The following MS4A2 variants were observed in gnomAD, a reference collection of about 807,000 sequenced individuals.
MS4A2 encodes membrane spanning 4-domains A2, also known as high affinity immunoglobulin epsilon receptor subunit beta.
In MS4A2, 26 loss-of-function variants were observed where a neutral mutation model predicts 27.9. The ratio of observed to expected loss-of-function variants is 0.93; its 90% CI spans 0.68 to 1.29. The LOEUF (loss-of-function observed/expected upper bound fraction) is 1.29. Ranked by LOEUF, MS4A2 falls within the 50% of genes most tolerant of loss-of-function variation. The pLI is 0.00. For synonymous variants in MS4A2, 110 were observed against 98.8 expected (o/e 1.11, Z -0.67); for missense variants, 284 against 284.6 (o/e 1.00, Z 0.01).
chr11:60,092,976 AATCTATTTTGTGTCCTAAGGCTTT>A, intron 4 of MS4A2, 128 bp downstream of exon 4: 2 of 976,090 alleles, frequency 2.0e-6, no homozygotes, highest in South Asian at 2.9e-5. Context: ...ATTTTGTTTC[AATCTATTTTGTGTCCTAAGGCTTT>A]TTGCAACAGA....
At chr11:60,092,995 G>A (rs1855794254) in intron 4 of MS4A2, 147 bp downstream of exon 4, 2 of 812,782 alleles carry the variant, frequency 2.5e-6, no homozygotes, top group Non-Finnish European at 4.0e-6. Context: ...TGTGTCCTAA[G>A]GCTTTTTGCA....
intron 2 of MS4A2, among the ~76,000 whole-genome samples, chr11:60,090,047 A>T (rs1281216381): frequency 6.6e-6 from 1 of 152,222 alleles, no homozygotes; most frequent in Non-Finnish European, 1.5e-5. Context: ...GGAGTGAAGG[A>T]TTCATAATCT....
Position 60,096,004 on chromosome 11 carries a change from GATA to G in MS4A2, c.*352_*354del, listed in dbSNP as rs1855863137. 3.9e-6 allele frequency: 1 copy of G among 257,054 alleles called. No individual in the cohort carries two copies. The highest frequency in any genetic ancestry group is 4.7e-5 in the South Asian group (1 of 21,174). 15.9% of individuals were successfully genotyped at this position (257,054 alleles called of 1,614,324 possible). On this transcript the variant is annotated 3_prime_UTR_variant, in exon 7 of 7. Coordinates refer to ENST00000278888, the MANE Select transcript of MS4A2 (RefSeq NM_000139.5). ...AAGTTGAGTTAAACTTTGACAGTTT[GATA>G]ATATTTGGTTCTTAGGGTTTTTTTT...
rs1035491648 is a variant in MS4A2 at position 60,097,626 on chromosome 11, A to G, written c.*1970A>G. 6 of 152,240 alleles carry G rather than the reference A, an allele frequency of 3.9e-5. No individual in the cohort carries two copies. Among genetic ancestry groups the G allele is most frequent in the African/African-American group, 9.6e-5 (4 of 41,460 alleles). 9.4% of individuals were successfully genotyped at this position (152,240 alleles called of 1,614,324 possible). On this transcript the variant is annotated 3_prime_UTR_variant, in exon 7 of 7. Transcript: ENST00000278888. ...AGTTTATGTTTTTAGCCTAAGTATAAGAGTCCTACAGATGGACTGAAAAAA... is the reference window on the plus strand; with the variant it reads ...AGTTTATGTTTTTAGCCTAAGTATAGGAGTCCTACAGATGGACTGAAAAAA...
In MS4A2 at chr11:60,097,526, T is replaced by C. The variant is rs1284386603; in HGVS notation, c.*1870T>C. 1.3e-5 allele frequency: 2 copies of C among 152,126 alleles called. No individual in the cohort carries two copies. The highest frequency in any genetic ancestry group is 1.9e-4 in the East Asian group (1 of 5,202). 9.4% of individuals were successfully genotyped at this position (152,126 alleles called of 1,614,324 possible). A position where few individuals can be genotyped will look rare whatever the true frequency, so the allele number is the denominator to read the frequency against. ...ATGGGAGCATATGTGAGAAATAAGA[T>C]AGTTGATTATGAATAGAAGGTAGTG... On this transcript the variant is annotated 3_prime_UTR_variant, in exon 7 of 7. Coordinates refer to ENST00000278888, the MANE Select transcript of MS4A2 (RefSeq NM_000139.5).
Position 60,092,672 on chromosome 11 carries a change from C to T in MS4A2, c.322-120C>T, listed in dbSNP as rs1300869434. 20 of 809,064 alleles carry T rather than the reference C, an allele frequency of 2.5e-5. No individual in the cohort carries two copies. In the Middle Eastern group the frequency reaches 1.0e-3, roughly 41 times the overall value. 50.1% of individuals were successfully genotyped at this position (809,064 alleles called of 1,614,324 possible). A position where few individuals can be genotyped will look rare whatever the true frequency, so the allele number is the denominator to read the frequency against. Reference sequence around the variant, plus strand: ...AAGAAAATATTGGGCTCACAGGTGACATTAATAAGTAACTTTATCGAGTAC... The same window carrying T: ...AAGAAAATATTGGGCTCACAGGTGATATTAATAAGTAACTTTATCGAGTAC... On this transcript the variant is annotated intron_variant, in intron 3 of 6. Coordinates refer to ENST00000278888, the MANE Select transcript of MS4A2 (RefSeq NM_000139.5).
At chr11:60,088,504 A>C (rs558048837), upstream of MS4A2, 8 of 846,066 alleles carry the variant, frequency 9.5e-6, no homozygotes, top group African/African-American at 1.2e-4. Flanking sequence ...ATTATGCTCC[A>C]GGAGTCTCAA....
rs745519111 is a variant in MS4A2 at position 60,092,767 on chromosome 11, CT to C, written c.322-17del. Reference sequence around the variant, plus strand: ...ATTGAAAACAAGAAACTCATTGTGGCTTTTTTTTCCTCCTTTTTGAACAGTT... The same window carrying C: ...ATTGAAAACAAGAAACTCATTGTGGCTTTTTTTCCTCCTTTTTGAACAGTT... On this transcript the variant is annotated intron_variant, in intron 3 of 6. Coordinates refer to ENST00000278888, the MANE Select transcript of MS4A2 (RefSeq NM_000139.5). 68 of 1,605,670 alleles carry C rather than the reference CT, an allele frequency of 4.2e-5. No individual in the cohort carries two copies. The highest frequency in any genetic ancestry group is 1.2e-4 in the African/African-American group (9 of 74,768).
rs1565073902 is a variant in MS4A2, at chr11:60,090,022, C to T, written c.186+201C>T. Among the ~76,000 whole-genome samples the T allele has an allele frequency of 2.0e-5, 3 of 152,170 alleles. No homozygotes were observed. The South Asian group carries it at 6.2e-4, about 32-fold the overall frequency. Reference sequence around the variant, plus strand: ...TCATAAAGACTTTAAATTGCTAGGACGAGAATGGCCAACAGGAGTGAAGGA... The same window carrying T: ...TCATAAAGACTTTAAATTGCTAGGATGAGAATGGCCAACAGGAGTGAAGGA... On this transcript the variant is annotated intron_variant, in intron 2 of 6. Coordinates refer to ENST00000278888, the MANE Select transcript of MS4A2 (RefSeq NM_000139.5).
In MS4A2 at chr11:60,097,664, G is replaced by A. The variant is rs1855893540; in HGVS notation, c.*2008G>A. 6.6e-6 allele frequency: 1 copy of A among 152,158 alleles called. No individual in the cohort carries two copies. Among genetic ancestry groups the A allele is most frequent in the Admixed American group, 6.5e-5 (1 of 15,288 alleles). 9.4% of individuals were successfully genotyped at this position (152,158 alleles called of 1,614,324 possible). A position where few individuals can be genotyped will look rare whatever the true frequency, so the allele number is the denominator to read the frequency against. The stretch of plus-strand genomic sequence containing the variant: ...TGGACTGAAAAAAATCAGTCTGAGA[G>A]TATTAGTCACAATTAATGAAATAAT... On this transcript the variant is annotated 3_prime_UTR_variant, in exon 7 of 7. Coordinates refer to ENST00000278888, the MANE Select transcript of MS4A2 (RefSeq NM_000139.5).
Position 60,095,932 on chromosome 11 carries a change from T to G in MS4A2, c.*276T>G, listed in dbSNP as rs531177475. On this transcript the variant is annotated 3_prime_UTR_variant, in exon 7 of 7. Coordinates refer to ENST00000278888, the MANE Select transcript of MS4A2 (RefSeq NM_000139.5). The stretch of plus-strand genomic sequence containing the variant: ...CAACATGTAGTAAGCAAGATTTAAC[T>G]GTTTGATTATAACTGTGCAAATACA... The G allele has an allele frequency of 2.4e-4, 105 of 433,288 alleles. 4 individuals are homozygous for G. The highest frequency in any genetic ancestry group is 2.4e-3 in the South Asian group (102 of 42,176). The allele number at this position is 433,288 out of a possible 1,614,324, so 26.8% of individuals were successfully genotyped here.
At chr11:60,093,755 A>G (rs961319881) in intron 5 of MS4A2, 197 bp downstream of exon 5, 3 of 846,188 alleles carry the variant, frequency 3.5e-6, no homozygotes, top group African/African-American at 3.4e-5. Flanking sequence ...TCGGGGTTAA[A>G]GTTATCTACT....
Position 60,090,320 on chromosome 11 carries a change from A to C in MS4A2, c.187-16A>C, listed in dbSNP as rs1855734562. On this transcript the variant is annotated splice_polypyrimidine_tract_variant and intron_variant, in intron 2 of 6. Transcript: ENST00000278888. ...AATTTTTTTGATTTTCATGAAATTCATGTGTTTTTCTATAGGTAACACAAA... is the reference window on the plus strand; with the variant it reads ...AATTTTTTTGATTTTCATGAAATTCCTGTGTTTTTCTATAGGTAACACAAA... 1.2e-6 allele frequency: 2 copies of C among 1,611,304 alleles called. No individual in the cohort carries two copies. The highest frequency in any genetic ancestry group is 1.7e-6 in the Non-Finnish European group (2 of 1,179,568).
rs1855865559 is a variant in MS4A2, at chr11:60,096,119, T to TATTA, written c.*464_*467dup. 5.4e-6 allele frequency: 1 copy of TATTA among 184,836 alleles called. No individual in the cohort carries two copies. The allele number at this position is 184,836 out of a possible 1,614,324, so 11.4% of individuals were successfully genotyped here. ...ACAGTCACAGTCACACACACATATGTATTACTTACACTATATATAACTTCC... is the reference window on the plus strand; with the variant it reads ...ACAGTCACAGTCACACACACATATGTATTAATTACTTACACTATATATAACTTCC... On this transcript the variant is annotated 3_prime_UTR_variant, in exon 7 of 7. Coordinates refer to ENST00000278888, the MANE Select transcript of MS4A2 (RefSeq NM_000139.5).
chr11:60,093,953 C>T lies in MS4A2; in HGVS notation c.538-11C>T. 3.1e-6 allele frequency: 5 copies of T among 1,598,500 alleles called. No homozygotes were observed. In the South Asian group the frequency reaches 3.3e-5, roughly 11 times the overall value. On this transcript the variant is annotated splice_polypyrimidine_tract_variant and intron_variant, in intron 5 of 6. Coordinates refer to ENST00000278888, the MANE Select transcript of MS4A2 (RefSeq NM_000139.5). ...GACTCTTTTTGTTTGTCATTTGTTG[C>T]TGTTCAATAGGAAATTGTAGTGATG...
chr11:60,092,494 C>T (rs1855781446), intron 3 of MS4A2, among the ~76,000 whole-genome samples: 1 of 151,978 alleles, frequency 6.6e-6, no homozygotes, highest in African/African-American at 2.4e-5. Context: ...CAGGGTTTCA[C>T]CATTTTGGTC....
rs946668100 is a variant in MS4A2, at chr11:60,095,818, A to T, written c.*162A>T. The T allele has an allele frequency of 3.1e-6, 2 of 649,810 alleles. No homozygotes were observed. Among genetic ancestry groups the T allele is most frequent in the African/African-American group, 3.6e-5 (2 of 54,890 alleles). 40.3% of individuals were successfully genotyped at this position (649,810 alleles called of 1,614,324 possible). A position where few individuals can be genotyped will look rare whatever the true frequency, so the allele number is the denominator to read the frequency against. ...TATTTTGTTTCTGCTGCTTCTGTCCACCTTAATATTCTCCTTCTATTTGTA... is the reference window on the plus strand; with the variant it reads ...TATTTTGTTTCTGCTGCTTCTGTCCTCCTTAATATTCTCCTTCTATTTGTA... On this transcript the variant is annotated 3_prime_UTR_variant, in exon 7 of 7. Transcript: ENST00000278888.
intron 5 of MS4A2, 65 bp from the exon 6 acceptor site, chr11:60,093,899 A>ATGCTATTC: frequency 1.5e-6 from 2 of 1,298,264 alleles, no homozygotes; most frequent in Non-Finnish European, 2.2e-6. Context: ...ATGCTATAAG[A>ATGCTATTC]AAATAAACTT....
In MS4A2 at chr11:60,096,579, T is replaced by C. The variant is rs1022020026; in HGVS notation, c.*923T>C. The C allele has an allele frequency of 5.9e-5, 9 of 152,106 alleles. No homozygotes were observed. The highest frequency in any genetic ancestry group is 5.9e-4 in the Admixed American group (9 of 15,268). 9.4% of individuals were successfully genotyped at this position (152,106 alleles called of 1,614,324 possible). A position where few individuals can be genotyped will look rare whatever the true frequency, so the allele number is the denominator to read the frequency against. ...TCTAAGATGAAAGGAGAACACTGGT[T>C]ATGTTGATAGAATGATAAAAAGGGT... On this transcript the variant is annotated 3_prime_UTR_variant, in exon 7 of 7. Transcript: ENST00000278888.
Sources: gnomAD v4.1 joint callset for allele counts (sites outside exome capture counted in the v4.1 genomes callset) on GRCh38, gnomAD v4.1.1 for gene constraint, MANE v1.5 for transcripts, NCBI Gene and HGNC (gene_info 2026-07-23, HGNC 2026-07-21) for gene names.